The following RGS22 variants were observed in gnomAD, a reference collection of about 807,000 sequenced individuals.
RGS22 encodes regulator of G protein signaling 22, also known as regulator of G-protein signaling 22.
A neutral mutation model predicts 172.9 loss-of-function variants in RGS22; 148 were observed. The observed-to-expected ratio is 0.86, with a 90% confidence interval of 0.75 to 0.98. RGS22 has a LOEUF of 0.98. Among genes scored for constraint, RGS22 ranks in the 50% least tolerant of loss-of-function variants. The probability of loss-of-function intolerance (pLI) is 0.00; values close to 1 mark genes in which losing one functional copy is unlikely to be tolerated. For synonymous variants in RGS22, 458 were observed against 480.2 expected, an observed-to-expected ratio of 0.95 and a Z score of 0.60; for missense variants, 1,347 against 1,440.8, an observed-to-expected ratio of 0.93 and a Z score of 1.05.
At chr8:100,043,215 C>A (rs1018814470) in intron 11 of RGS22, among the ~76,000 whole-genome samples, 5 of 152,208 alleles carry the variant, frequency 3.3e-5, no homozygotes, top group Admixed American at 2.6e-4. Context: ...GAACAACAAA[C>A]ATATCCACCT....
At chr8:100,043,541 T>C (rs1202713707) in intron 11 of RGS22, among the ~76,000 whole-genome samples, 2 of 152,036 alleles carry the variant, frequency 1.3e-5, no homozygotes, top group African/African-American at 2.4e-5. Context: ...CTTGGGAGGC[T>C]GAGGTAGGTG....
In RGS22 at chr8:100,051,823, T is replaced by A. The variant is rs373175280; in HGVS notation, c.1689+979A>T. Among the ~76,000 whole-genome samples, 42 of 64,234 alleles carry A rather than the reference T, an allele frequency of 6.5e-4. 5 individuals carry two copies. The South Asian group carries it at 0.024, about 37-fold the overall frequency. The allele number at this position is 64,234 out of a possible 152,430, so 42.1% of individuals were successfully genotyped here. ...TTTATATATAAATGTTTATATATAT[T>A]TATATATAAATGTTTATATATTTAT... On this transcript the variant is annotated intron_variant, in intron 10 of 27. Transcript: ENST00000360863.
At chr8:100,046,633 A>T in intron 11 of RGS22, among the ~76,000 whole-genome samples, 1 of 149,150 alleles carries the variant, frequency 6.7e-6, no homozygotes, top group South Asian at 2.2e-4. Flanking sequence ...AGATAAGCTG[A>T]AAAAACTTAC....
intron 21 of RGS22, among the ~76,000 whole-genome samples, chr8:99,987,095 T>C (rs1028808797): frequency 1.3e-5 from 2 of 152,204 alleles, no homozygotes; most frequent in Admixed American, 6.5e-5. Context: ...TTATACCTAC[T>C]GGTTGAGCAT....
Position 100,062,497 on chromosome 8 carries a change from T to G in RGS22, c.1514+94A>C, listed in dbSNP as rs1436642856. The G allele has an allele frequency of 3.9e-6, 3 of 774,800 alleles. No homozygotes were observed. In the African/African-American group the frequency reaches 5.4e-5, roughly 14 times the overall value. 48.0% of individuals were successfully genotyped at this position (774,800 alleles called of 1,614,324 possible). Reference sequence around the variant, plus strand: ...GATACAATAGTCTTGTCATTTTATGTTTCCATAAGTTATATATCCGTAAGA... The same window carrying G: ...GATACAATAGTCTTGTCATTTTATGGTTCCATAAGTTATATATCCGTAAGA... On this transcript the variant is annotated intron_variant, in intron 9 of 27. Transcript: ENST00000360863.
chr8:100,013,090 T>C (rs541065184), intron 14 of RGS22, among the ~76,000 whole-genome samples: 2 of 149,954 alleles, frequency 1.3e-5, no homozygotes, highest in African/African-American at 2.4e-5. Flanking sequence ...CTTGGGTTCA[T>C]GCCATTCTCC....
intron 6 of RGS22, among the ~76,000 whole-genome samples, chr8:100,068,087 T>C (rs1810668785): frequency 6.6e-6 from 1 of 152,000 alleles, no homozygotes; most frequent in Admixed American, 6.6e-5. Context: ...TATTGAAAAA[T>C]GGTAATATAT....
In RGS22 at chr8:100,039,003, A is replaced by C; in HGVS notation, c.2094T>G (p.Phe698Leu). ...KLWKNSVYFW[F>L]DLQAYHQLFY... The stretch of plus-strand genomic sequence containing the variant: ...AAAGCTGATGATAAGCCTGCAGGTC[A>C]AACCAAAAGTACACACTGTTCTTCC... The change falls in exon 14 of 28, where the codon TTT becomes TTG. Residue 698 changes from phenylalanine to leucine, a missense_variant. By Grantham distance (22) the Phe-to-Leu change is conservative. Transcript: ENST00000360863. The C allele has an allele frequency of 6.2e-7, 1 of 1,611,910 alleles. No individual in the cohort carries two copies. Among genetic ancestry groups the C allele is most frequent in the Non-Finnish European group, 8.5e-7 (1 of 1,178,588 alleles).
rs372845867 is a variant in RGS22, at chr8:100,002,261, G to A, written c.2731C>T (p.Leu911Phe). 2 of 1,609,764 alleles carry A rather than the reference G, an allele frequency of 1.2e-6. No homozygotes were observed. The highest frequency in any genetic ancestry group is 8.5e-7 in the Non-Finnish European group (1 of 1,177,988). ...AKSIYIKNKY[L>F]NKKYFFGPNS... ...GGTCCAAAGAAATATTTTTTATTAA[G>A]GTATTTGTTTTTAATGTATATAGAT... The change falls in exon 18 of 28, where the codon CTT becomes TTT. Residue 911 changes from leucine (L) to phenylalanine (F), a missense_variant. Physicochemically the swap from Leu to Phe is conservative, Grantham distance 22. Coordinates refer to ENST00000360863, the MANE Select transcript of RGS22 (RefSeq NM_015668.5).
rs780698148 is a variant in RGS22, at chr8:99,961,169, T to G, written c.*73A>C. 2.2e-6 allele frequency: 1 copy of G among 453,406 alleles called. No homozygotes were observed. Among genetic ancestry groups the G allele is most frequent in the South Asian group, 1.6e-5 (1 of 63,292 alleles). 28.1% of individuals were successfully genotyped at this position (453,406 alleles called of 1,614,324 possible). Reference sequence around the variant, plus strand: ...AAAAACAAATCACTGGAGCTTCTCATGTCAGCAGAATCTGGTTTAAAGAAT... The same window carrying G: ...AAAAACAAATCACTGGAGCTTCTCAGGTCAGCAGAATCTGGTTTAAAGAAT... On this transcript the variant is annotated 3_prime_UTR_variant, in exon 28 of 28. Transcript: ENST00000360863.
chr8:100,033,596 A>T (rs930064409), intron 14 of RGS22, among the ~76,000 whole-genome samples: 1 of 152,108 alleles, frequency 6.6e-6, no homozygotes. Context: ...TACCAGAGGT[A>T]CAAAGAGGAC....
chr8:99,962,163 G>C (rs1444122040), intron 27 of RGS22, among the ~76,000 whole-genome samples: 3 of 151,978 alleles, frequency 2.0e-5, no homozygotes, highest in Non-Finnish European at 4.4e-5. Context: ...GTTCTTTGCA[G>C]AAGAAAACAG....
In RGS22 at chr8:99,996,465, C is replaced by CCAGA; in HGVS notation, c.3011_3014dup (p.Trp1005CysfsTer8). The CCAGA allele has an allele frequency of 6.2e-7, 1 of 1,612,628 alleles. No homozygotes were observed. Among genetic ancestry groups the CCAGA allele is most frequent in the Non-Finnish European group, 8.5e-7 (1 of 1,178,870 alleles). The stretch of plus-strand genomic sequence containing the variant: ...GAATATAACAAACATTACTTGCCTT[C>CCAGA]CAGACCCCGATTTTCTTTTCAGCCT... On this transcript the variant is annotated frameshift_variant, in exon 20 of 28. Coordinates refer to ENST00000360863, the MANE Select transcript of RGS22 (RefSeq NM_015668.5). LOFTEE classifies it high-confidence loss of function.
chr8:100,104,170 T>C (rs1288567586), intron 2 of RGS22, among the ~76,000 whole-genome samples: 1 of 151,992 alleles, frequency 6.6e-6, no homozygotes, highest in Non-Finnish European at 1.5e-5. Context: ...ATATAAAAAT[T>C]AGCCAGGCGT....
chr8:100,029,363 G>A (rs1317884778), intron 14 of RGS22, among the ~76,000 whole-genome samples: 3 of 152,084 alleles, frequency 2.0e-5, no homozygotes, highest in African/African-American at 4.8e-5. Flanking sequence ...AACTAATGCA[G>A]CTACAAACTA....
In RGS22 at chr8:100,002,360, C is replaced by A; in HGVS notation, c.2632G>T (p.Asp878Tyr). 3.1e-6 allele frequency: 5 copies of A among 1,598,586 alleles called. No individual in the cohort carries two copies. The highest frequency in any genetic ancestry group is 3.5e-4 in the Middle Eastern group (2 of 5,692). The change falls in exon 18 of 28, where the codon GAT becomes TAT. Residue 878 changes from aspartate (D) to tyrosine (Y), a missense_variant. Physicochemically the swap from Asp to Tyr is radical, Grantham distance 160 (BLOSUM62 -3). Transcript: ENST00000360863. Reference sequence around the variant, plus strand: ...TCAATGTCTGTCCAGCACATAAGATCCATGCTAAAATGAAAACAAAAACAA... The same window carrying A: ...TCAATGTCTGTCCAGCACATAAGATACATGCTAAAATGAAAACAAAAACAA... The part of the protein sequence containing the change: ...QFLETHSSSM[D>Y]LMCWTDIEQF...
At chr8:100,053,320 G>T (rs533686708) in intron 9 of RGS22, among the ~76,000 whole-genome samples, 1 of 152,108 alleles carries the variant, frequency 6.6e-6, no homozygotes, top group South Asian at 2.1e-4. Context: ...TACTCAGGGG[G>T]GTGAGGCAGG....
chr8:100,021,358 T>A (rs1817584712), intron 14 of RGS22, among the ~76,000 whole-genome samples: 1 of 152,246 alleles, frequency 6.6e-6, no homozygotes, highest in Non-Finnish European at 1.5e-5. Flanking sequence ...GTTTACATTC[T>A]GAATAGTCCT....
chr8:100,060,589 T>C (rs978203493), intron 9 of RGS22, among the ~76,000 whole-genome samples: 1 of 151,576 alleles, frequency 6.6e-6, no homozygotes, highest in African/African-American at 2.4e-5. Flanking sequence ...TAGCTAGGAA[T>C]ACCTAGGAAT....
Sources: allele counts gnomAD v4.1 joint callset (sites outside exome capture counted in the v4.1 genomes callset), GRCh38; gene constraint gnomAD v4.1.1; transcripts MANE v1.5; gene names NCBI Gene and HGNC (gene_info 2026-07-23, HGNC 2026-07-21).